TENT5D: variants seen among roughly 807,000 people sequenced by gnomAD.
TENT5D encodes the protein cancer/testis antigen 112.
For synonymous variants in TENT5D, 103 were observed against 100.6 expected (o/e 1.02, Z -0.15); for missense variants, 191 against 287.0 (o/e 0.67, Z 2.42).
intron 3 of TENT5D, among the ~76,000 whole-genome samples, chrX:80,368,177 G>A (rs972845382): frequency 3.6e-5 from 4 of 111,293 alleles, no homozygotes; most frequent in Non-Finnish European, 7.6e-5. Flanking sequence ...TCTGAAACTA[G>A]TTGAAGAAAA....
chrX:80,371,840 C>T (rs974892081), intron 3 of TENT5D, among the ~76,000 whole-genome samples: 5 of 111,851 alleles, frequency 4.5e-5, no homozygotes, highest in African/African-American at 1.6e-4. Flanking sequence ...AAGGCTCTTA[C>T]GCTTTCTTAT....
chrX:80,386,487 A>G (rs1291144946), intron 3 of TENT5D, among the ~76,000 whole-genome samples: 2 of 111,264 alleles, frequency 1.8e-5, no homozygotes, highest in Admixed American at 1.9e-4. Context: ...GCACACCAAC[A>G]TGGCACATGT....
At chrX:80,383,622 C>T (rs995590363) in intron 3 of TENT5D, among the ~76,000 whole-genome samples, 1 of 111,848 alleles carries the variant, frequency 8.9e-6, no homozygotes, top group Non-Finnish European at 1.9e-5. Flanking sequence ...TTTGTGAGGC[C>T]GAGGCAGGCA....
chrX:80,403,693 T>A (rs931095227), intron 3 of TENT5D, among the ~76,000 whole-genome samples: 1 of 112,392 alleles, frequency 8.9e-6, no homozygotes, highest in African/African-American at 3.2e-5. Context: ...GTAGCAGTCC[T>A]CATGCCCCTA....
intron 1 of TENT5D, among the ~76,000 whole-genome samples, chrX:80,434,168 G>A (rs1455015452): frequency 1.9e-5 from 2 of 103,429 alleles, no homozygotes; most frequent in Admixed American, 1.0e-4. Context: ...AAAGGGAAAT[G>A]GAGCTAAGCA....
chrX:80,335,640 CTT>C (rs1929832851), intron 1 of TENT5D: 1 of 112,314 alleles, frequency 8.9e-6, no homozygotes, highest in Non-Finnish European at 1.9e-5. Context: ...CGCCCCACCT[CTT>C]TCCTCAGATT....
chrX:80,340,068 T>A (rs1324242814), intron 2 of TENT5D, among the ~76,000 whole-genome samples: 1 of 110,981 alleles, frequency 9.0e-6, no homozygotes, highest in South Asian at 3.8e-4. Flanking sequence ...TAATAAAACA[T>A]TTGCTATTAT....
At chrX:80,430,604 G>A (rs1397077904) in intron 1 of TENT5D, among the ~76,000 whole-genome samples, 2 of 111,859 alleles carry the variant, frequency 1.8e-5, no homozygotes, top group African/African-American at 6.5e-5. Context: ...CCTCCAGTCT[G>A]CAGAAAAGAT....
chrX:80,403,964 A>G (rs1043059627), intron 3 of TENT5D, among the ~76,000 whole-genome samples: 7 of 111,647 alleles, frequency 6.3e-5, no homozygotes, highest in Admixed American at 9.6e-5. Flanking sequence ...CAGTATATGT[A>G]CGATGTACAT....
intron 3 of TENT5D, among the ~76,000 whole-genome samples, chrX:80,404,447 G>C (rs979434119): frequency 9.0e-6 from 1 of 111,566 alleles, no homozygotes; most frequent in African/African-American, 3.3e-5. Context: ...GTGTGTTAAT[G>C]CTCCGAGAAA....
At chrX:80,340,047 A>G (rs1165200111) in intron 2 of TENT5D, among the ~76,000 whole-genome samples, 1 of 111,103 alleles carries the variant, frequency 9.0e-6, no homozygotes, top group African/African-American at 3.3e-5. Context: ...AAAAGATGAT[A>G]TGGTAGGAAA....
At chrX:80,364,857 C>T (rs1930475223) in intron 3 of TENT5D, among the ~76,000 whole-genome samples, 1 of 109,721 alleles carries the variant, frequency 9.1e-6, no homozygotes, top group Non-Finnish European at 1.9e-5. Flanking sequence ...CTTCTGTTTG[C>T]AAATATAAAT....
At chrX:80,414,180 C>G (rs1931724242) in intron 3 of TENT5D, among the ~76,000 whole-genome samples, 1 of 111,652 alleles carries the variant, frequency 9.0e-6, no homozygotes, top group African/African-American at 3.3e-5. Context: ...TTGTTGGCAG[C>G]AAGTAAAACT....
At chrX:80,412,961 AAGTC>A (rs1276699834) in intron 3 of TENT5D, among the ~76,000 whole-genome samples, 1 of 110,767 alleles carries the variant, frequency 9.0e-6, no homozygotes. Context: ...TTTTGCCAGT[AAGTC>A]AAGATTTAGT....
chrX:80,348,423 G>T (rs763383621), intron 3 of TENT5D, among the ~76,000 whole-genome samples: 3 of 111,403 alleles, frequency 2.7e-5, no homozygotes, highest in Non-Finnish European at 3.8e-5. Flanking sequence ...TATTCTCTTG[G>T]TAGCAATTGT....
At chrX:80,405,370 ACAGTGGGCGCAGGT>A (rs1473118299) in intron 3 of TENT5D, among the ~76,000 whole-genome samples, 1 of 112,273 alleles carries the variant, frequency 8.9e-6, no homozygotes, top group Non-Finnish European at 1.9e-5. Flanking sequence ...GGAGTGCCAG[ACAGTGGGCGCAGGT>A]CAGTGGGTGC....
chrX:80,395,771 G>A (rs1361862074), intron 3 of TENT5D, among the ~76,000 whole-genome samples: 1 of 107,896 alleles, frequency 9.3e-6, no homozygotes, highest in African/African-American at 3.4e-5. Context: ...ATCCTACAGT[G>A]GCGTAGAAAA....
At chrX:80,421,926 G>T (rs1372751428) in intron 1 of TENT5D, among the ~76,000 whole-genome samples, 2 of 111,169 alleles carry the variant, frequency 1.8e-5, no homozygotes, top group Non-Finnish European at 3.8e-5. Flanking sequence ...GGAGAAGGAG[G>T]AGTTATTTGT....
intron 3 of TENT5D, among the ~76,000 whole-genome samples, chrX:80,347,295 C>T (rs1930083393): frequency 8.9e-6 from 1 of 111,933 alleles, no homozygotes; most frequent in African/African-American, 3.3e-5. Context: ...CTCCCACCAA[C>T]AGTGTAAAAG....
Sources: gnomAD v4.1 joint callset for allele counts (sites outside exome capture counted in the v4.1 genomes callset) on GRCh38, gnomAD v4.1.1 for gene constraint, MANE v1.5 for transcripts, NCBI Gene and HGNC (gene_info 2026-07-23, HGNC 2026-07-21) for gene names.